Variants in ERBIN observed in about 807,000 individuals in gnomAD.
The protein encoded by ERBIN is erbb2 interacting protein.
A neutral mutation model predicts 158.4 loss-of-function variants in ERBIN; 60 were observed. The ratio of observed to expected loss-of-function variants is 0.38; its 90% confidence interval spans 0.31 to 0.47. The LOEUF (loss-of-function observed/expected upper bound fraction) is 0.47. Ranked by LOEUF, ERBIN falls within the 20% of genes least tolerant of loss-of-function variation. The pLI is 0.99. For missense variants in ERBIN, 1,610 were observed against 1,648.0 expected (o/e 0.98, Z 0.40); for synonymous variants, 594 against 557.2 (o/e 1.07, Z -0.93).
At chr5:66,055,289 C>G (rs1759478004) in intron 21 of ERBIN, among the ~76,000 whole-genome samples, 2 of 152,096 alleles carry the variant, frequency 1.3e-5, no homozygotes, top group South Asian at 4.1e-4. Flanking sequence ...TGTTGATTAT[C>G]TAAATTTAAA....
intron 21 of ERBIN, among the ~76,000 whole-genome samples, chr5:66,061,170 G>A (rs1760253870): frequency 6.6e-6 from 1 of 152,150 alleles, no homozygotes; most frequent in Non-Finnish European, 1.5e-5. Context: ...TTATTATTGT[G>A]TGGGAGCCTA....
intron 1 of ERBIN, among the ~76,000 whole-genome samples, chr5:65,931,000 G>A (rs750101553): frequency 2.8e-5 from 4 of 141,062 alleles, no homozygotes; most frequent in South Asian, 2.1e-4. Flanking sequence ...TGTGGAAGAC[G>A]ATAGAAAAGG....
chr5:65,933,889 G>T (rs142820717), intron 1 of ERBIN, among the ~76,000 whole-genome samples: 1 of 151,908 alleles, frequency 6.6e-6, no homozygotes, highest in Non-Finnish European at 1.5e-5. Flanking sequence ...ATGATGCCCT[G>T]TCGTCATCCC....
chr5:65,988,073 A>C (rs761989481), intron 1 of ERBIN, among the ~76,000 whole-genome samples: 1 of 152,214 alleles, frequency 6.6e-6, no homozygotes, highest in Non-Finnish European at 1.5e-5. Flanking sequence ...ACTATCCACT[A>C]TAAAGATAGC....
chr5:66,009,769 C>T (rs192920837), intron 4 of ERBIN, among the ~76,000 whole-genome samples: 94 of 152,222 alleles, frequency 6.2e-4, no homozygotes, highest in African/African-American at 1.7e-3. Context: ...GAAACATCTC[C>T]CACATTCCTA....
Position 66,076,947 on chromosome 5 carries a change from C to T in ERBIN, c.4129C>T (p.Gln1377Ter). ...ACTGCAGCCAGGTGATAAAATTATT[C>T]AGGTAATTAAAATAAATCTTTTTTT... ...KLLQPGDKII[Q>*]ANGYSFINIE... is the part of the protein sequence containing the mutation. Residue 1377 changes from glutamine (Q) to a stop codon, truncating the protein, a stop_gained and splice_region_variant, in exon 25 of 26, where the codon CAG becomes TAG. Transcript: ENST00000284037. LOFTEE classifies it high-confidence loss of function. 6.3e-7 allele frequency: 1 copy of T among 1,582,132 alleles called. No homozygotes were observed. The highest frequency in any genetic ancestry group is 8.7e-7 in the Non-Finnish European group (1 of 1,155,970).
At chr5:65,980,291 G>A (rs969408132) in intron 1 of ERBIN, among the ~76,000 whole-genome samples, 15 of 151,984 alleles carry the variant, frequency 9.9e-5, no homozygotes, top group Middle Eastern at 3.4e-3. Context: ...TGTTGGGTGC[G>A]GTGTCGGGCG....
At chr5:65,964,264 T>C (rs574437199) in intron 1 of ERBIN, among the ~76,000 whole-genome samples, 1 of 152,226 alleles carries the variant, frequency 6.6e-6, no homozygotes, top group Non-Finnish European at 1.5e-5. Context: ...TACTTCATAA[T>C]TGAACGTGTG....
chr5:66,016,389 C>G (rs1341500513), intron 7 of ERBIN, among the ~76,000 whole-genome samples: 1 of 152,132 alleles, frequency 6.6e-6, no homozygotes, highest in East Asian at 1.9e-4. Context: ...AAATTAGACT[C>G]TCAGTGAATT....
intron 1 of ERBIN, among the ~76,000 whole-genome samples, chr5:65,937,840 C>T (rs1225145636): frequency 1.3e-5 from 2 of 152,064 alleles, no homozygotes; most frequent in African/African-American, 4.8e-5. Context: ...ACCCGGGAGG[C>T]GGAGCTTGTA....
intron 4 of ERBIN, among the ~76,000 whole-genome samples, chr5:65,999,180 C>T (rs537170109): frequency 1.3e-5 from 2 of 150,736 alleles, no homozygotes; most frequent in South Asian, 2.1e-4. Context: ...ACCAGCCTGG[C>T]GAATGTGGAC....
intron 1 of ERBIN, among the ~76,000 whole-genome samples, chr5:65,930,551 G>C (rs564558095): frequency 2.0e-5 from 3 of 152,290 alleles, no homozygotes; most frequent in Admixed American, 6.5e-5. Context: ...CTCGTGATCT[G>C]CCCACCTCGG....
chr5:66,007,235 T>G (rs948567855), intron 4 of ERBIN, among the ~76,000 whole-genome samples: 1 of 152,192 alleles, frequency 6.6e-6, no homozygotes, highest in Non-Finnish European at 1.5e-5. Context: ...TCATGTCCTT[T>G]GTAGGGACAT....
Position 66,048,740 on chromosome 5 carries a change from T to C in ERBIN, c.1862T>C (p.Ile621Thr), listed in dbSNP as rs146472115. Residue 621 changes from isoleucine (I) to threonine (T), a missense_variant, in exon 19 of 26, where the codon ATT (isoleucine) becomes ACT (threonine). This residue lies in a region of ERBIN where 596 missense variants were observed against 711.9 expected (regional missense o/e 0.84). Coordinates refer to ENST00000284037, the MANE Select transcript of ERBIN (RefSeq NM_001253697.2). ...EMRPPLIETS[I>T]NQPKVVALSN... ...CGACCACCATTAATTGAAACCTCTA[T>C]TAACCAGCCAAAAGTCGTAGCACTT... The C allele has an allele frequency of 1.4e-3, 2,250 of 1,607,922 alleles. 3 individuals carry two copies. The highest frequency in any genetic ancestry group is 1.8e-3 in the Non-Finnish European group (2,149 of 1,177,006).
intron 1 of ERBIN, among the ~76,000 whole-genome samples, chr5:65,987,908 A>G (rs1045841797): frequency 6.6e-6 from 1 of 152,170 alleles, no homozygotes; most frequent in African/African-American, 2.4e-5. Flanking sequence ...TGCCTGCCAC[A>G]TAGAACTATG....
intron 21 of ERBIN, among the ~76,000 whole-genome samples, chr5:66,063,765 T>G (rs1234078107): frequency 6.6e-6 from 1 of 152,238 alleles, no homozygotes; most frequent in African/African-American, 2.4e-5. Flanking sequence ...TTTAAATACC[T>G]ATTTATCAAG....
At position 66,033,836 on chromosome 5, in the gene ERBIN, C is replaced by T. The variant is rs546746063; in HGVS notation, c.1207-4547C>T. Among the ~76,000 whole-genome samples, 23 of 152,078 alleles carry T rather than the reference C, an allele frequency of 1.5e-4. 1 individual carries two copies. The highest frequency in any genetic ancestry group is 3.9e-4 in the African/African-American group (16 of 41,514). On this transcript the variant is annotated intron_variant, in intron 14 of 25. Coordinates refer to ENST00000284037, the MANE Select transcript of ERBIN (RefSeq NM_001253697.2). ...AGATTAAGAATATGAGGGTCTGGTG[C>T]GGTGGTTCATGCCTGTAGTCCCAAC...
intron 21 of ERBIN, among the ~76,000 whole-genome samples, chr5:66,062,389 C>G (rs902968671): frequency 6.6e-6 from 1 of 152,166 alleles, no homozygotes; most frequent in South Asian, 2.1e-4. Flanking sequence ...GTTTTCAGCT[C>G]CATCGGGTCC....
chr5:65,974,617 T>G (rs1407573711), intron 1 of ERBIN, among the ~76,000 whole-genome samples: 1 of 152,258 alleles, frequency 6.6e-6, no homozygotes, highest in South Asian at 2.1e-4. Flanking sequence ...CTGTAGGTCA[T>G]TCTCTAGACA....
Sources: gnomAD v4.1 joint callset for allele counts (sites outside exome capture counted in the v4.1 genomes callset) on GRCh38, gnomAD v4.1.1 for gene constraint, gnomAD v4.1.1 regional missense constraint, MANE v1.5 for transcripts, NCBI Gene and HGNC (gene_info 2026-07-23, HGNC 2026-07-21) for gene names.